Variants in CD36 observed in about 807,000 individuals in gnomAD.
CD36 encodes the protein platelet glycoprotein 4.
Under a neutral mutation model 55.2 loss-of-function variants are expected in CD36, and 119 were observed. The ratio of observed to expected loss-of-function variants is 2.15; its 90% CI spans 1.86 to 2.51. CD36 has a LOEUF of 2.51. Among genes scored for constraint, CD36 ranks in the 30% most tolerant of loss-of-function variants. The pLI, the probability that CD36 is intolerant of heterozygous loss-of-function variation, is 0.00. For synonymous variants in CD36, 186 were observed against 193.6 expected, an observed-to-expected ratio of 0.96 and a Z score of 0.33; for missense variants, 819 against 555.5, an observed-to-expected ratio of 1.47 and a Z score of -4.77.
intron 1 of CD36, among the ~76,000 whole-genome samples, chr7:80,610,743 T>G (rs1026202892): frequency 6.6e-6 from 1 of 151,920 alleles, no homozygotes; most frequent in African/African-American, 2.4e-5. Flanking sequence ...CCTGGCTAAT[T>G]TTTTGGATTT....
At chr7:80,645,311 C>T (rs1023315688) in intron 1 of CD36, among the ~76,000 whole-genome samples, 3 of 151,056 alleles carry the variant, frequency 2.0e-5, no homozygotes, top group Admixed American at 6.6e-5. Context: ...TGAGCCACCA[C>T]GCCCGGCTCT....
At chr7:80,646,913 CT>C in intron 3 of CD36, 53 bp downstream of exon 3, 1 of 1,598,456 alleles carries the variant, frequency 6.3e-7, no homozygotes, top group Non-Finnish European at 8.6e-7. Flanking sequence ...TCTAACTTCT[CT>C]TTTTTTGCTT....
intron 7 of CD36, among the ~76,000 whole-genome samples, chr7:80,665,292 A>G (rs1023505276): frequency 2.0e-5 from 3 of 152,052 alleles, no homozygotes; most frequent in Admixed American, 2.0e-4. Flanking sequence ...TATCAGAGGA[A>G]CAAGCTTTCT....
At chr7:80,646,474 G>C in intron 2 of CD36, 178 bp from the exon 3 acceptor site, 1 of 460,836 alleles carries the variant, frequency 2.2e-6, no homozygotes, top group Admixed American at 3.4e-5. Context: ...CCACTGGTAG[G>C]CATTAGAAGC....
intron 9 of CD36, chr7:80,670,355 G>A (rs768606445): frequency 9.9e-5 from 33 of 334,982 alleles, no homozygotes; most frequent in Non-Finnish European, 1.7e-4. Flanking sequence ...TCAGATTTGT[G>A]GGGCCCAGTA....
In CD36 at chr7:80,674,160, C is replaced by CA. The variant is rs753334442; in HGVS notation, c.*19dup. The CA allele has an allele frequency of 2.5e-6, 4 of 1,577,932 alleles. No individual in the cohort carries two copies. In the South Asian group the frequency reaches 3.3e-5, roughly 13 times the overall value. ...AACAATAAAATAAGTAAGTATGTACCAAAAAATATTGCTTCAATAATATTA... is the reference window on the plus strand; with the variant it reads ...AACAATAAAATAAGTAAGTATGTACCAAAAAAATATTGCTTCAATAATATTA... On this transcript the variant is annotated intron_variant, in intron 14 of 14. Coordinates refer to ENST00000447544, the MANE Select transcript of CD36 (RefSeq NM_001001548.3).
chr7:80,672,470 C>A (rs1797787676), intron 11 of CD36, among the ~76,000 whole-genome samples: 2 of 151,496 alleles, frequency 1.3e-5, no homozygotes, highest in Admixed American at 6.6e-5. Context: ...ATATATTTGA[C>A]CAGGAATTAT....
At chr7:80,653,611 T>C (rs1315972885) in intron 3 of CD36, among the ~76,000 whole-genome samples, 1 of 152,170 alleles carries the variant, frequency 6.6e-6, no homozygotes, top group African/African-American at 2.4e-5. Flanking sequence ...GAGAAAATCT[T>C]ATATCACTTT....
At chr7:80,603,769 C>CAA (rs371964967) in intron 1 of CD36, among the ~76,000 whole-genome samples, 5,430 of 94,218 alleles carry the variant, frequency 0.058, 454 homozygotes, top group African/African-American at 0.19. Flanking sequence ...TACAGTCAGG[C>CAA]AAAAAAAAAA....
At position 80,627,463 on chromosome 7, in the gene CD36, C is replaced by CT. The variant is rs994320174; in HGVS notation, c.-183-18614dup. Among the ~76,000 whole-genome samples, 1,445 of 144,834 alleles carry CT rather than the reference C, an allele frequency of 1.0e-2. 17 individuals carry two copies. The highest frequency in any genetic ancestry group is 0.032 in the African/African-American group (1,278 of 39,696). ...TTGACCCCCTCCCTTAAAAGAGGGG[C>CT]TTTTTTTTTTTCACTTAGACTACAG... On this transcript the variant is annotated intron_variant, in intron 1 of 13. Coordinates refer to the CD36 transcript ENST00000309881.
At chr7:80,642,679 A>AT (rs1254928697) in intron 1 of CD36, among the ~76,000 whole-genome samples, 1 of 152,136 alleles carries the variant, frequency 6.6e-6, no homozygotes, top group African/African-American at 2.4e-5. Context: ...AGTGTCACGT[A>AT]TTTTGCCTAT....
chr7:80,661,866 T>C (rs1290945744), intron 5 of CD36, among the ~76,000 whole-genome samples: 1 of 152,180 alleles, frequency 6.6e-6, no homozygotes, highest in African/African-American at 2.4e-5. Flanking sequence ...CTTGGGGCTC[T>C]AGAGACCACA....
At chr7:80,662,454 G>A (rs968986240) in intron 5 of CD36, 5 of 254,326 alleles carry the variant, frequency 2.0e-5, no homozygotes, top group Non-Finnish European at 8.5e-6. Context: ...CCGCACCATT[G>A]GTCAGGTCAC....
chr7:80,608,225 A>C (rs556612064), intron 1 of CD36, among the ~76,000 whole-genome samples: 1 of 152,326 alleles, frequency 6.6e-6, no homozygotes, highest in South Asian at 2.1e-4. Flanking sequence ...AAAATGGTTA[A>C]ATTTTAATAG....
chr7:80,651,824 C>T (rs948513047), intron 3 of CD36, among the ~76,000 whole-genome samples: 2 of 152,050 alleles, frequency 1.3e-5, no homozygotes, highest in Admixed American at 1.3e-4. Context: ...TGGGAGGATC[C>T]CTTGAGCCCA....
rs916058632 is a variant in CD36 at position 80,666,370 on chromosome 7, T to A, written c.702-73T>A. 6 of 969,124 alleles carry A rather than the reference T, an allele frequency of 6.2e-6. 1 individual carries two copies. The South Asian group carries it at 6.6e-5, about 11-fold the overall frequency. The allele number at this position is 969,124 out of a possible 1,614,324, so 60.0% of individuals were successfully genotyped here. A position where few individuals can be genotyped will look rare whatever the true frequency, so the allele number is the denominator to read the frequency against. Reference sequence around the variant, plus strand: ...TCATATTAACAGAAGTATTGAATTATAATAGAAAAAGTAATGTAAGAAAGG... The same window carrying A: ...TCATATTAACAGAAGTATTGAATTAAAATAGAAAAAGTAATGTAAGAAAGG... On this transcript the variant is annotated intron_variant, in intron 7 of 14. Transcript: ENST00000447544.
At chr7:80,650,115 G>A (rs931474500) in intron 3 of CD36, among the ~76,000 whole-genome samples, 1 of 151,944 alleles carries the variant, frequency 6.6e-6, no homozygotes, top group African/African-American at 2.4e-5. Flanking sequence ...AGACTTCCTA[G>A]TGTAGATTCA....
At chr7:80,638,559 CTG>C (rs1364165945), upstream of CD36, 1 of 142,804 alleles carries the variant, frequency 7.0e-6, no homozygotes, top group Non-Finnish European at 1.5e-5. Flanking sequence ...GGATCTGACA[CTG>C]TAGAGTGCTT....
chr7:80,604,041 T>C (rs1392078699), intron 1 of CD36, among the ~76,000 whole-genome samples: 5 of 152,076 alleles, frequency 3.3e-5, no homozygotes, highest in Non-Finnish European at 7.4e-5. Flanking sequence ...ATGAGTGAAG[T>C]GCACTTCAGA....
Sources: gnomAD v4.1 joint callset for allele counts (sites outside exome capture counted in the v4.1 genomes callset) on GRCh38, gnomAD v4.1.1 for gene constraint, MANE v1.5 for transcripts, NCBI Gene and HGNC (gene_info 2026-07-23, HGNC 2026-07-21) for gene names.